Variants in CAMK1D observed in about 807,000 individuals in gnomAD.
The protein encoded by CAMK1D is calcium/calmodulin-dependent protein kinase type 1D.
A neutral mutation model predicts 47.7 loss-of-function variants in CAMK1D; 9 were observed. The ratio of observed to expected loss-of-function variants is 0.19; its 90% CI spans 0.11 to 0.33. The LOEUF is 0.33. CAMK1D is among the 10% of genes least tolerant of loss of function. The pLI, the probability that CAMK1D is intolerant of heterozygous loss-of-function variation, is 1.00. For missense variants in CAMK1D, 291 were observed against 488.7 expected (o/e 0.60, Z 3.81); for synonymous variants, 184 against 184.9 (o/e 0.99, Z 0.04).
chr10:12,415,674 A>G (rs1839821514), intron 1 of CAMK1D, among the ~76,000 whole-genome samples: 2 of 151,640 alleles, frequency 1.3e-5, no homozygotes, highest in Non-Finnish European at 2.9e-5. Context: ...GTCCTACTTC[A>G]AGATATTTTG....
intron 2 of CAMK1D, among the ~76,000 whole-genome samples, chr10:12,569,329 A>G (rs1837241503): frequency 6.6e-6 from 1 of 152,202 alleles, no homozygotes; most frequent in Non-Finnish European, 1.5e-5. Context: ...GGCATCTTGT[A>G]CATTGATTAC....
chr10:12,809,212 G>A (rs568980659), intron 6 of CAMK1D, among the ~76,000 whole-genome samples: 1 of 152,108 alleles, frequency 6.6e-6, no homozygotes, highest in South Asian at 2.1e-4. Flanking sequence ...TTGTGGTTTT[G>A]ATTTGCACTT....
chr10:12,414,822 C>G (rs962360098), intron 1 of CAMK1D, among the ~76,000 whole-genome samples: 16 of 152,114 alleles, frequency 1.1e-4, no homozygotes, highest in Admixed American at 2.0e-4. Flanking sequence ...TTTGGCTTGG[C>G]CTGTGTAGAC....
chr10:12,655,416 C>T (rs960757790), intron 2 of CAMK1D, among the ~76,000 whole-genome samples: 2 of 152,162 alleles, frequency 1.3e-5, no homozygotes, highest in Non-Finnish European at 2.9e-5. Context: ...GAAAAACTAT[C>T]CAAACTGTAT....
At chr10:12,411,889 C>T (rs1009925129) in intron 1 of CAMK1D, among the ~76,000 whole-genome samples, 22 of 151,102 alleles carry the variant, frequency 1.5e-4, no homozygotes, top group African/African-American at 3.9e-4. Flanking sequence ...CCACTGTGCC[C>T]GGACAAGCCT....
chr10:12,819,448 G>A (rs575726886), intron 8 of CAMK1D, among the ~76,000 whole-genome samples: 8 of 152,346 alleles, frequency 5.3e-5, no homozygotes, highest in Non-Finnish European at 8.8e-5. Context: ...TGGCCTGCTC[G>A]GCTCTTAAGT....
chr10:12,714,864 A>C (rs566709516), intron 3 of CAMK1D, among the ~76,000 whole-genome samples: 1 of 149,958 alleles, frequency 6.7e-6, no homozygotes, highest in African/African-American at 2.5e-5. Flanking sequence ...TAATGCTTCT[A>C]CCTATTTATG....
intron 4 of CAMK1D, among the ~76,000 whole-genome samples, chr10:12,763,728 T>A (rs1836613168): frequency 6.6e-6 from 1 of 152,248 alleles, no homozygotes. Flanking sequence ...ATGGATAACA[T>A]TAACGTTACC....
At chr10:12,655,269 G>A (rs1480638724) in intron 2 of CAMK1D, among the ~76,000 whole-genome samples, 2 of 152,060 alleles carry the variant, frequency 1.3e-5, no homozygotes, top group African/African-American at 4.8e-5. Flanking sequence ...GAGTGGGAGG[G>A]GGAGGTGCCA....
intron 2 of CAMK1D, among the ~76,000 whole-genome samples, chr10:12,603,994 A>G (rs555260533): frequency 6.6e-6 from 1 of 152,292 alleles, no homozygotes; most frequent in African/African-American, 2.4e-5. Flanking sequence ...TGCCTGCTTC[A>G]TAGCCAGCCA....
intron 1 of CAMK1D, among the ~76,000 whole-genome samples, chr10:12,457,514 G>C (rs1296394442): frequency 6.6e-6 from 1 of 152,056 alleles, no homozygotes; most frequent in East Asian, 1.9e-4. Flanking sequence ...GCGGCCGGGC[G>C]CAGTGGCTCA....
chr10:12,525,991 C>G (rs1472891026), intron 1 of CAMK1D, among the ~76,000 whole-genome samples: 3 of 152,166 alleles, frequency 2.0e-5, no homozygotes, highest in African/African-American at 7.2e-5. Flanking sequence ...TTCCTGACCT[C>G]CAGTGATCCG....
chr10:12,488,307 T>C (rs1834276334), intron 1 of CAMK1D, among the ~76,000 whole-genome samples: 1 of 152,126 alleles, frequency 6.6e-6, no homozygotes, highest in South Asian at 2.1e-4. Context: ...TGGATGAGTA[T>C]AGTATGAGGA....
At chr10:12,368,209 A>AAT (rs1333133295) in intron 1 of CAMK1D, among the ~76,000 whole-genome samples, 15 of 150,208 alleles carry the variant, frequency 1.0e-4, no homozygotes, top group African/African-American at 3.2e-4. Flanking sequence ...AAAAAAAAAA[A>AAT]AAAAATAAAA....
intron 3 of CAMK1D, among the ~76,000 whole-genome samples, chr10:12,684,533 C>A (rs1210580365): frequency 6.6e-6 from 1 of 152,088 alleles, no homozygotes; most frequent in Non-Finnish European, 1.5e-5. Context: ...AGAAGATGAT[C>A]AATTCATGAT....
chr10:12,532,082 C>G (rs1303530618), intron 1 of CAMK1D, among the ~76,000 whole-genome samples: 1 of 152,170 alleles, frequency 6.6e-6, no homozygotes, highest in Non-Finnish European at 1.5e-5. Context: ...CAGCCCTCTC[C>G]CTGGGCAGGT....
chr10:12,676,894 A>G (rs1459404395), intron 3 of CAMK1D, among the ~76,000 whole-genome samples: 1 of 152,188 alleles, frequency 6.6e-6, no homozygotes, highest in East Asian at 1.9e-4. Flanking sequence ...TATCACAGGA[A>G]TTCACTAGAA....
chr10:12,439,429 G>T (rs573448278), intron 1 of CAMK1D, among the ~76,000 whole-genome samples: 6 of 152,284 alleles, frequency 3.9e-5, no homozygotes, highest in Admixed American at 3.3e-4. Flanking sequence ...CATTATTGCT[G>T]TTAAATGGGC....
chr10:12,510,745 G>A (rs1835016784), intron 1 of CAMK1D, among the ~76,000 whole-genome samples: 1 of 152,216 alleles, frequency 6.6e-6, no homozygotes, highest in African/African-American at 2.4e-5. Context: ...TCTGCAGGAA[G>A]TGGTGGGGAC....
Sources: gnomAD v4.1 joint callset for allele counts (sites outside exome capture counted in the v4.1 genomes callset) on GRCh38, gnomAD v4.1.1 for gene constraint, MANE v1.5 for transcripts, NCBI Gene and HGNC (gene_info 2026-07-23, HGNC 2026-07-21) for gene names.